SAV1: variants seen among roughly 807,000 people sequenced by gnomAD.
The protein encoded by SAV1 is salvador family WW domain containing protein 1, also known as protein salvador homolog 1.
In SAV1, 23 loss-of-function variants were observed where a neutral mutation model predicts 47.3. The observed-to-expected ratio is 0.49, with a 90% CI of 0.35 to 0.69. The LOEUF is 0.69. Among genes scored for constraint, SAV1 ranks in the 30% least tolerant of loss-of-function variants. SAV1 has a pLI of 0.01. For synonymous variants in SAV1, 155 were observed against 159.2 expected, an observed-to-expected ratio of 0.97 and a Z score of 0.20; for missense variants, 448 against 457.4, an observed-to-expected ratio of 0.98 and a Z score of 0.19.
intron 2 of SAV1, 22 bp from the exon 3 acceptor site, chr14:50,645,036 T>C (rs765700559): frequency 2.3e-5 from 37 of 1,590,486 alleles, no homozygotes; most frequent in Admixed American, 3.5e-5. Flanking sequence ...GAGAAAATGA[T>C]AGAGAAGAAA....
In SAV1 at chr14:50,666,784, A is replaced by G. The variant is rs536965964; in HGVS notation, c.94+1090T>C. Among the ~76,000 whole-genome samples, 13 of 151,632 alleles carry G rather than the reference A, an allele frequency of 8.6e-5. 1 individual carries two copies. The South Asian group carries it at 2.3e-3, about 27-fold the overall frequency. ...GTGTGACTGAAAATCAAGTTGTTAAAAAAAAAAAAAAACAACTTAAAAATC... is the reference window on the plus strand; with the variant it reads ...GTGTGACTGAAAATCAAGTTGTTAAGAAAAAAAAAAAACAACTTAAAAATC... On this transcript the variant is annotated intron_variant, in intron 1 of 4. Transcript: ENST00000324679.
At chr14:50,667,294 A>G (rs2039909905) in intron 1 of SAV1, 1 of 312,492 alleles carries the variant, frequency 3.2e-6, no homozygotes, top group African/African-American at 2.2e-5. Flanking sequence ...AATATAGCCA[A>G]ATACAAAGGC....
rs1399036177 is a variant in SAV1 at position 50,634,109 on chromosome 14, A to G, written c.*1074T>C. ...TTAACCCAGTCTGTCAGAAGGCAGT[A>G]TGCTATGCTGTCAGGAACTCTCCAC... On this transcript the variant is annotated 3_prime_UTR_variant, in exon 5 of 5. Transcript: ENST00000324679. 1 of 448,730 alleles carries G rather than the reference A, an allele frequency of 2.2e-6. No individual in the cohort carries two copies. Among genetic ancestry groups the G allele is most frequent in the Admixed American group, 2.4e-5 (1 of 41,896 alleles). 27.8% of individuals were successfully genotyped at this position (448,730 alleles called of 1,614,324 possible).
intron 4 of SAV1, among the ~76,000 whole-genome samples, chr14:50,638,694 GGTGT>G (rs937782457): frequency 6.6e-6 from 1 of 152,106 alleles, no homozygotes; most frequent in Non-Finnish European, 1.5e-5. Flanking sequence ...CTAGTGTTTT[GGTGT>G]GTGTGTGAGA....
intron 2 of SAV1, among the ~76,000 whole-genome samples, chr14:50,647,857 TAC>T (rs2039735697): frequency 1.3e-5 from 2 of 152,220 alleles, no homozygotes; most frequent in African/African-American, 4.8e-5. Flanking sequence ...TGCAAAATGC[TAC>T]AGTCACTCTG....
At chr14:50,657,679 A>T (rs2039824597) in intron 2 of SAV1, among the ~76,000 whole-genome samples, 1 of 152,244 alleles carries the variant, frequency 6.6e-6, no homozygotes, top group East Asian at 1.9e-4. Context: ...ACCTTTCTGT[A>T]ATTTCAAGTA....
intron 2 of SAV1, chr14:50,663,076 C>T (rs950669427): frequency 1.3e-5 from 2 of 152,190 alleles, no homozygotes; most frequent in Non-Finnish European, 2.9e-5. Context: ...CCTCATTAAC[C>T]ACTGAATATG....
intron 3 of SAV1, among the ~76,000 whole-genome samples, chr14:50,642,279 G>A (rs752024265): frequency 2.0e-5 from 3 of 151,866 alleles, no homozygotes; most frequent in Admixed American, 6.6e-5. Context: ...ACCTGAGGTC[G>A]GGAGTTCGAG....
At position 50,665,504 on chromosome 14, in the gene SAV1, G is replaced by C. The variant is rs768215857; in HGVS notation, c.210C>G (p.Asn70Lys). The change falls in exon 2 of 5, where the codon AAC becomes AAG. Residue 70 changes from asparagine to lysine, a missense_variant. Asn to Lys is a moderately conservative substitution (Grantham distance 94). Coordinates refer to ENST00000324679, the MANE Select transcript of SAV1 (RefSeq NM_021818.4). ...FSTSGDVVSRNQSFLRTPIQR... is the reference protein window; with the variant it reads ...FSTSGDVVSRKQSFLRTPIQR... ...GAATTGGAGTTCTAAGGAAACTCTG[G>C]TTTCTTGAAACTACATCTCCAGAAG... 1 of 1,613,864 alleles carries C rather than the reference G, an allele frequency of 6.2e-7. No individual in the cohort carries two copies. Among genetic ancestry groups the C allele is most frequent in the South Asian group, 1.1e-5 (1 of 91,080 alleles).
intron 2 of SAV1, among the ~76,000 whole-genome samples, chr14:50,652,105 G>C (rs55693641): frequency 6.6e-6 from 1 of 152,116 alleles, no homozygotes; most frequent in South Asian, 2.1e-4. Context: ...CAGGAACCAA[G>C]ATTTTCAGTA....
At chr14:50,646,822 G>A (rs995552376) in intron 2 of SAV1, among the ~76,000 whole-genome samples, 5 of 152,042 alleles carry the variant, frequency 3.3e-5, no homozygotes, top group African/African-American at 1.2e-4. Flanking sequence ...GGATAAAGTT[G>A]AAGGACTCAC....
intron 2 of SAV1, among the ~76,000 whole-genome samples, chr14:50,663,936 G>A (rs2039880258): frequency 6.6e-6 from 1 of 152,038 alleles, no homozygotes; most frequent in Non-Finnish European, 1.5e-5. Flanking sequence ...TTTAAACCAT[G>A]CCTACTCTGT....
At chr14:50,637,076 A>G (rs1005093488) in intron 4 of SAV1, among the ~76,000 whole-genome samples, 3 of 152,212 alleles carry the variant, frequency 2.0e-5, no homozygotes, top group Admixed American at 2.0e-4. Context: ...TGGCATTTTG[A>G]CATGTTTCTA....
Position 50,644,982 on chromosome 14 carries a change from T to G in SAV1, c.568A>C (p.Asn190His). The G allele has an allele frequency of 6.2e-7, 1 of 1,612,482 alleles. No homozygotes were observed. Among genetic ancestry groups the G allele is most frequent in the Admixed American group, 1.7e-5 (1 of 60,000 alleles). ...TCTTCAGAACCATGGTTAGTCAAAT[T>G]TCCTAAAGATGTAGCAGCAACTCTC... ...IGRVAATSLG[N>H]LTNHGSEDLP... Residue 190 changes from asparagine (N) to histidine (H), a missense_variant, in exon 3 of 5, where the codon AAT becomes CAT. By Grantham distance (68) the Asn-to-His change is moderately conservative (BLOSUM62 1). Transcript: ENST00000324679.
chr14:50,646,511 C>A (rs572519601), intron 2 of SAV1, among the ~76,000 whole-genome samples: 1 of 152,178 alleles, frequency 6.6e-6, no homozygotes, highest in East Asian at 1.9e-4. Context: ...CATGGTGAAA[C>A]CCCGTCTCTA....
Position 50,635,322 on chromosome 14 carries a change from A to T in SAV1, c.1013T>A (p.Met338Lys), listed in dbSNP as rs1464332880. Residue 338 changes from methionine to lysine, a missense_variant, in exon 5 of 5, where the codon ATG becomes AAG. Physicochemically the swap from Met to Lys is moderately conservative, Grantham distance 95. Transcript: ENST00000324679. ...QLADLDTYQG[M>K]LKLLFMKELE... ...TTCTTTCATGAAGAGCAACTTTAGCATTCCCTGGTATGTATCCAGGTCAGC... is the reference window on the plus strand; with the variant it reads ...TTCTTTCATGAAGAGCAACTTTAGCTTTCCCTGGTATGTATCCAGGTCAGC... 1.2e-6 allele frequency: 2 copies of T among 1,614,124 alleles called. No individual in the cohort carries two copies. Among genetic ancestry groups the T allele is most frequent in the Admixed American group, 3.3e-5 (2 of 60,022 alleles).
At chr14:50,650,583 T>C (rs956751667) in intron 2 of SAV1, among the ~76,000 whole-genome samples, 1 of 152,194 alleles carries the variant, frequency 6.6e-6, no homozygotes, top group African/African-American at 2.4e-5. Context: ...CCGTGCAGCT[T>C]CTGCCTTGGT....
intron 2 of SAV1, among the ~76,000 whole-genome samples, chr14:50,656,578 G>A (rs1434390946): frequency 6.6e-6 from 1 of 151,854 alleles, no homozygotes; most frequent in African/African-American, 2.4e-5. Context: ...GAGTAGCTGG[G>A]ACTACAGGCA....
intron 2 of SAV1, among the ~76,000 whole-genome samples, chr14:50,646,610 C>T (rs1242386099): frequency 6.7e-6 from 1 of 148,712 alleles, no homozygotes; most frequent in Non-Finnish European, 1.5e-5. Flanking sequence ...TGCTTGAACC[C>T]GAGAGCAGAG....
Sources: allele counts gnomAD v4.1 joint callset (sites outside exome capture counted in the v4.1 genomes callset), GRCh38; gene constraint gnomAD v4.1.1; transcripts MANE v1.5; gene names NCBI Gene and HGNC (gene_info 2026-07-23, HGNC 2026-07-21).